The following FTO variants were observed in gnomAD, a reference collection of about 807,000 sequenced individuals.
FTO encodes FTO alpha-ketoglutarate dependent dioxygenase, also known as alpha-ketoglutarate-dependent dioxygenase FTO.
A neutral mutation model predicts 63.9 loss-of-function variants in FTO; 47 were observed. The observed-to-expected ratio is 0.74, with a 90% CI of 0.58 to 0.94. The LOEUF is 0.94. FTO is among the 40% of genes least tolerant of loss of function. FTO has a pLI of 0.00. For synonymous variants in FTO, 207 were observed against 224.4 expected, an observed-to-expected ratio of 0.92 and a Z score of 0.69; for missense variants, 562 against 618.1, an observed-to-expected ratio of 0.91 and a Z score of 0.96.
At chr16:53,997,957 C>G (rs2083981734) in intron 8 of FTO, among the ~76,000 whole-genome samples, 1 of 152,076 alleles carries the variant, frequency 6.6e-6, no homozygotes, top group African/African-American at 2.4e-5. Flanking sequence ...ATTCCCAGAA[C>G]CCTTAATATT....
chr16:53,788,439 C>T (rs991418581), intron 1 of FTO, among the ~76,000 whole-genome samples: 3 of 151,858 alleles, frequency 2.0e-5, no homozygotes, highest in Non-Finnish European at 4.4e-5. Context: ...TCCGTCTCTA[C>T]TAAAAATACA....
chr16:54,090,428 G>C (rs1459334847), intron 8 of FTO, among the ~76,000 whole-genome samples: 1 of 152,170 alleles, frequency 6.6e-6, no homozygotes, highest in African/African-American at 2.4e-5. Flanking sequence ...TCTGTTTGGT[G>C]TAATGGCAAA....
chr16:53,936,519 C>A (rs1599033548), intron 8 of FTO, among the ~76,000 whole-genome samples: 1 of 152,140 alleles, frequency 6.6e-6, no homozygotes, highest in African/African-American at 2.4e-5. Context: ...GGCATTGCCT[C>A]GAGTAGCCGT....
intron 8 of FTO, among the ~76,000 whole-genome samples, chr16:54,048,717 C>G (rs1342489607): frequency 6.6e-6 from 1 of 152,336 alleles, no homozygotes; most frequent in South Asian, 2.1e-4. Flanking sequence ...ATTCCAGCAG[C>G]CGTAGAGCAT....
At chr16:54,101,848 T>C (rs2689263) in intron 8 of FTO, among the ~76,000 whole-genome samples, 1 of 152,050 alleles carries the variant, frequency 6.6e-6, no homozygotes, top group Non-Finnish European at 1.5e-5. Flanking sequence ...CTTTTAATAA[T>C]AGCCATTCTG....
chr16:54,038,847 T>A (rs1053774584), intron 8 of FTO, among the ~76,000 whole-genome samples: 1 of 152,224 alleles, frequency 6.6e-6, no homozygotes, highest in South Asian at 2.1e-4. Context: ...TGTAGAACCA[T>A]AAGCCAAATT....
At chr16:53,867,446 T>C (rs1374355326) in intron 4 of FTO, among the ~76,000 whole-genome samples, 1 of 151,998 alleles carries the variant, frequency 6.6e-6, no homozygotes. Context: ...GAGATAACAA[T>C]TTATTCACAA....
chr16:54,073,042 G>A (rs925595240), intron 8 of FTO, among the ~76,000 whole-genome samples: 1 of 152,202 alleles, frequency 6.6e-6, no homozygotes, highest in Non-Finnish European at 1.5e-5. Flanking sequence ...TCTGGGATAT[G>A]CGAAATCAAG....
chr16:53,856,020 G>A (rs1204204821), intron 4 of FTO, among the ~76,000 whole-genome samples: 1 of 152,032 alleles, frequency 6.6e-6, no homozygotes, highest in African/African-American at 2.4e-5. Context: ...TTTCCCATTG[G>A]CTAACAGTCT....
chr16:54,103,173 C>G (rs141397540), intron 8 of FTO, among the ~76,000 whole-genome samples: 12 of 152,030 alleles, frequency 7.9e-5, no homozygotes, highest in African/African-American at 2.9e-4. Flanking sequence ...AGAAAGAGTT[C>G]TTGAAAAATG....
At chr16:53,740,667 T>C (rs900515556) in intron 1 of FTO, among the ~76,000 whole-genome samples, 2 of 152,192 alleles carry the variant, frequency 1.3e-5, no homozygotes, top group East Asian at 3.9e-4. Flanking sequence ...GAAAATGTTA[T>C]CTCTGGCTCA....
rs1487025539 is a variant in FTO at position 54,111,697 on chromosome 16, C to T, written c.1365-65C>T. ...CATTGGCCAGTGTTGCTCCAAGCTT[C>T]CTGTGGGTTGGGGTCTTCTGGGGGT... is the stretch of plus-strand genomic sequence containing the variant. On this transcript the variant is annotated intron_variant, in intron 8 of 8. Coordinates refer to ENST00000471389, the MANE Select transcript of FTO (RefSeq NM_001080432.3). 12 of 1,572,100 alleles carry T rather than the reference C, an allele frequency of 7.6e-6. No individual in the cohort carries two copies. The African/African-American group carries it at 1.6e-4, about 21-fold the overall frequency.
chr16:54,055,786 T>G (rs1171762391), intron 8 of FTO, among the ~76,000 whole-genome samples: 2 of 152,236 alleles, frequency 1.3e-5, no homozygotes, highest in African/African-American at 4.8e-5. Context: ...TTAGTTTGGT[T>G]CAGCCTACTC....
intron 8 of FTO, among the ~76,000 whole-genome samples, chr16:53,995,335 A>T (rs1396923650): frequency 6.6e-6 from 1 of 152,230 alleles, no homozygotes; most frequent in Non-Finnish European, 1.5e-5. Flanking sequence ...ATACCAACAG[A>T]TGCCTAACAT....
intron 4 of FTO, among the ~76,000 whole-genome samples, chr16:53,851,952 A>G (rs1175610829): frequency 6.6e-6 from 1 of 152,010 alleles, no homozygotes; most frequent in African/African-American, 2.4e-5. Context: ...CCTTAAACAT[A>G]TATATACTTG....
At chr16:54,064,157 A>C (rs1269566298) in intron 8 of FTO, among the ~76,000 whole-genome samples, 1 of 152,186 alleles carries the variant, frequency 6.6e-6, no homozygotes, top group Non-Finnish European at 1.5e-5. Flanking sequence ...TGGTACATGT[A>C]GCTTTAAACT....
At chr16:53,941,175 T>G (rs912877249) in intron 8 of FTO, among the ~76,000 whole-genome samples, 37 of 152,328 alleles carry the variant, frequency 2.4e-4, no homozygotes, top group Non-Finnish European at 1.3e-4. Flanking sequence ...CACCGTCCAG[T>G]TTAGCAATTA....
intron 4 of FTO, among the ~76,000 whole-genome samples, chr16:53,860,176 T>A (rs546818605): frequency 5.8e-4 from 88 of 152,170 alleles, no homozygotes; most frequent in Admixed American, 2.6e-3. Context: ...GTGTCATGTG[T>A]GACAGTGTGG....
intron 4 of FTO, among the ~76,000 whole-genome samples, chr16:53,854,736 A>G (rs2079928428): frequency 6.6e-6 from 1 of 151,946 alleles, no homozygotes; most frequent in Non-Finnish European, 1.5e-5. Flanking sequence ...GATTTGTTCT[A>G]TTTGTTTAGG....
Sources: allele counts gnomAD v4.1 joint callset (sites outside exome capture counted in the v4.1 genomes callset), GRCh38; gene constraint gnomAD v4.1.1; transcripts MANE v1.5; gene names NCBI Gene and HGNC (gene_info 2026-07-23, HGNC 2026-07-21).